Variants in DNAH7 observed in about 807,000 individuals in gnomAD.
DNAH7 encodes the protein axonemal beta dynein heavy chain 7.
DNAH7 carries 397 observed loss-of-function variants against 444.6 expected under a neutral mutation model. The ratio of observed to expected loss-of-function variants is 0.89; its 90% CI spans 0.82 to 0.97. DNAH7 has a LOEUF of 0.97. DNAH7 is among the 50% of genes least tolerant of loss of function. The probability of loss-of-function intolerance (pLI) is 0.00; values close to 1 mark genes in which losing one functional copy is unlikely to be tolerated. For missense variants in DNAH7, 4,902 were observed against 4,800.8 expected, an observed-to-expected ratio of 1.02 and a Z score of -0.62; for synonymous variants, 1,636 against 1,624.4, an observed-to-expected ratio of 1.01 and a Z score of -0.17.
Position 195,988,076 on chromosome 2 carries a change from T to C in DNAH7, c.1507A>G (p.Arg503Gly). Residue 503 changes from arginine to glycine, a missense_variant, in exon 13 of 65, where the codon AGA (arginine) becomes GGA (glycine). By Grantham distance (125) the Arg-to-Gly change is moderately radical. Transcript: ENST00000312428. ...TTATCAACATCTCGCTCAGCTTTTC[T>C]GGTAATTAAAAAGTCATACTTGTCA... ...LYDKYDFLIT[R>G]KAERDVDNFL... The C allele has an allele frequency of 3.7e-6, 6 of 1,613,782 alleles. No individual in the cohort carries two copies. The highest frequency in any genetic ancestry group is 2.2e-5 in the East Asian group (1 of 44,846).
chr2:195,889,819 C>G (rs770063689), intron 31 of DNAH7, among the ~76,000 whole-genome samples: 1 of 152,136 alleles, frequency 6.6e-6, no homozygotes, highest in South Asian at 2.1e-4. Flanking sequence ...CATACATACA[C>G]GTATACACAC....
intron 24 of DNAH7, among the ~76,000 whole-genome samples, chr2:195,916,648 A>T (rs569930268): frequency 6.6e-6 from 1 of 152,310 alleles, no homozygotes; most frequent in Admixed American, 6.5e-5. Flanking sequence ...ACTTGGGGCC[A>T]GGAGTTTGAG....
chr2:196,033,790 C>G (rs777289006), intron 5 of DNAH7, among the ~76,000 whole-genome samples: 2 of 152,136 alleles, frequency 1.3e-5, no homozygotes, highest in Non-Finnish European at 2.9e-5. Flanking sequence ...AATTTCAAAT[C>G]TTTTGGGTGA....
At position 195,891,654 on chromosome 2, in the gene DNAH7, C is replaced by A; in HGVS notation, c.5046+1G>T. The A allele has an allele frequency of 6.3e-7, 1 of 1,579,610 alleles. No individual in the cohort carries two copies. The highest frequency in any genetic ancestry group is 8.6e-7 in the Non-Finnish European group (1 of 1,166,780). ...ATGCATGTGAAAGTGTTAGAACTTA[C>A]CACTGAAGAGGCAAATGCTCTAAAA... On this transcript the variant is annotated splice_donor_variant, in intron 31 of 64. Coordinates refer to ENST00000312428, the MANE Select transcript of DNAH7 (RefSeq NM_018897.3). LOFTEE classifies it high-confidence loss of function.
At chr2:195,948,115 T>G (rs78378717) in intron 19 of DNAH7, among the ~76,000 whole-genome samples, 13,966 of 152,254 alleles carry the variant, frequency 0.092, 704 homozygotes, top group African/African-American at 0.13. Context: ...TCTGTTCACA[T>G]GCCTTGCCCA....
At chr2:195,802,982 C>T (rs1484411718) in intron 54 of DNAH7, among the ~76,000 whole-genome samples, 1 of 152,178 alleles carries the variant, frequency 6.6e-6, no homozygotes, top group African/African-American at 2.4e-5. Flanking sequence ...TGACTTATTT[C>T]ACATATGATA....
In DNAH7 at chr2:195,957,451, A is replaced by C. The variant is rs760424584; in HGVS notation, c.2892-4T>G. 1.3e-6 allele frequency: 2 copies of C among 1,529,954 alleles called. No individual in the cohort carries two copies. The highest frequency in any genetic ancestry group is 4.7e-5 in the East Asian group (2 of 42,770). 94.8% of individuals were successfully genotyped at this position (1,529,954 alleles called of 1,614,324 possible). Reference sequence around the variant, plus strand: ...TAGGAGCTTGCCCTCCCATTCTCTGAGGAGCAAAACACAGTGGCTCTTACT... The same window carrying C: ...TAGGAGCTTGCCCTCCCATTCTCTGCGGAGCAAAACACAGTGGCTCTTACT... On this transcript the variant is annotated splice_region_variant and splice_polypyrimidine_tract_variant and intron_variant, in intron 18 of 64. Coordinates refer to ENST00000312428, the MANE Select transcript of DNAH7 (RefSeq NM_018897.3).
At chr2:195,856,301 T>C (rs146667834) in intron 44 of DNAH7, among the ~76,000 whole-genome samples, 137 of 152,300 alleles carry the variant, frequency 9.0e-4, no homozygotes, top group African/African-American at 3.2e-3. Flanking sequence ...AGAAGCCTAA[T>C]TGGTTAAAGG....
chr2:195,926,445 G>C lies in DNAH7; in HGVS notation c.3593C>G (p.Ala1198Gly). ...CCTTACCTTTATCCCCATTGGAATA[G>C]CTGTTTGTACTTCTTTTGTCCAAAA... ...QIFWTKEVQTAIPMGIKALEQ... is the reference protein window; with the variant it reads ...QIFWTKEVQTGIPMGIKALEQ... Residue 1198 changes from alanine to glycine, a missense_variant, in exon 22 of 65, where the codon GCT becomes GGT. Transcript: ENST00000312428. 3 of 1,592,192 alleles carry C rather than the reference G, an allele frequency of 1.9e-6. No homozygotes were observed. Among genetic ancestry groups the C allele is most frequent in the Admixed American group, 1.8e-5 (1 of 56,062 alleles).
chr2:195,808,949 A>C (rs1422510290), intron 52 of DNAH7, 73 bp from the exon 53 acceptor site: 12 of 1,341,088 alleles, frequency 8.9e-6, no homozygotes, highest in Non-Finnish European at 1.2e-5. Flanking sequence ...AACCATTATA[A>C]AAGAGTTGAG....
chr2:196,026,703 AT>A (rs1482689222), intron 7 of DNAH7, 56 bp downstream of exon 7: 1 of 1,256,968 alleles, frequency 8.0e-7, no homozygotes, highest in Non-Finnish European at 1.1e-6. Context: ...TAATACAAAA[AT>A]AATCTTTAAT....
chr2:195,770,763 G>C (rs971102999), intron 61 of DNAH7, among the ~76,000 whole-genome samples: 12 of 151,982 alleles, frequency 7.9e-5, no homozygotes, highest in Admixed American at 3.3e-4. Context: ...TCACTCTGTT[G>C]CCTGGGCTGG....
At chr2:195,965,348 G>C (rs1314832755) in intron 17 of DNAH7, among the ~76,000 whole-genome samples, 6 of 152,124 alleles carry the variant, frequency 3.9e-5, no homozygotes, top group Non-Finnish European at 8.8e-5. Flanking sequence ...TGTTTTTAAT[G>C]CATTGTTGAA....
At position 195,845,021 on chromosome 2, in the gene DNAH7, CA is replaced by C; in HGVS notation, c.8925del (p.Ile2975MetfsTer5). On this transcript the variant is annotated frameshift_variant, in exon 47 of 65. Transcript: ENST00000312428. LOFTEE classifies it high-confidence loss of function. ...TCTTACATTATGATTATCCCATTATCAATGGAAAATGAGTCAGAAGGTAATC... is the reference window on the plus strand; with the variant it reads ...TCTTACATTATGATTATCCCATTATCATGGAAAATGAGTCAGAAGGTAATC... The part of the protein sequence containing the change: ...IAGLPSDSFS[I>X]DNGIIIMNAR... The C allele has an allele frequency of 6.2e-7, 1 of 1,613,194 alleles. No individual in the cohort carries two copies. The highest frequency in any genetic ancestry group is 8.5e-7 in the Non-Finnish European group (1 of 1,179,636).
chr2:195,836,726 A>C (rs1698394136), intron 47 of DNAH7, among the ~76,000 whole-genome samples: 1 of 152,128 alleles, frequency 6.6e-6, no homozygotes, highest in African/African-American at 2.4e-5. Context: ...ATATATAAAA[A>C]GTTTTCATTA....
In DNAH7 at chr2:195,969,940, A is replaced by G. The variant is rs753063512; in HGVS notation, c.2205+8T>C. 28 of 1,598,200 alleles carry G rather than the reference A, an allele frequency of 1.8e-5. No homozygotes were observed. The South Asian group carries it at 3.1e-4, about 18-fold the overall frequency. On this transcript the variant is annotated splice_region_variant and intron_variant, in intron 17 of 64. Transcript: ENST00000312428. Reference sequence around the variant, plus strand: ...TAATTCATCTTTTTAAGAATTTTTGAATTATACCTTATCTGCAGCTAAATC... The same window carrying G: ...TAATTCATCTTTTTAAGAATTTTTGGATTATACCTTATCTGCAGCTAAATC...
intron 47 of DNAH7, among the ~76,000 whole-genome samples, chr2:195,834,764 T>C (rs1698251438): frequency 6.6e-6 from 1 of 152,240 alleles, no homozygotes; most frequent in Admixed American, 6.5e-5. Context: ...TAAGTCACTT[T>C]GCTTCCTTAG....
intron 47 of DNAH7, among the ~76,000 whole-genome samples, chr2:195,843,834 G>C (rs1273958006): frequency 6.6e-6 from 1 of 152,072 alleles, no homozygotes; most frequent in Non-Finnish European, 1.5e-5. Flanking sequence ...CAGTGGTTTA[G>C]GCCTGTAATC....
intron 5 of DNAH7, among the ~76,000 whole-genome samples, chr2:196,029,246 T>C (rs559682346): frequency 7.4e-6 from 1 of 135,544 alleles, no homozygotes; most frequent in South Asian, 2.1e-4. Context: ...ATGACCTCAG[T>C]AACTTTTGTT....
Sources: gnomAD v4.1 joint callset for allele counts (sites outside exome capture counted in the v4.1 genomes callset) on GRCh38, gnomAD v4.1.1 for gene constraint, MANE v1.5 for transcripts, NCBI Gene and HGNC (gene_info 2026-07-23, HGNC 2026-07-21) for gene names.